The following GABRA2 variants were observed in gnomAD, a reference collection of about 807,000 sequenced individuals.
GABRA2 encodes gamma-aminobutyric acid type A receptor subunit alpha2, also known as gamma-aminobutyric acid receptor subunit alpha-2.
GABRA2 carries 16 observed loss-of-function variants against 48.7 expected under a neutral mutation model. The ratio of observed to expected loss-of-function variants is 0.33; its 90% confidence interval spans 0.22 to 0.50. GABRA2 has a LOEUF of 0.50. GABRA2 is among the 20% of genes least tolerant of loss of function. GABRA2 has a pLI of 0.98. For missense variants in GABRA2, 275 were observed against 535.6 expected, an observed-to-expected ratio of 0.51 and a Z score of 4.80; for synonymous variants, 185 against 184.5, an observed-to-expected ratio of 1.00 and a Z score of -0.02.
intron 3 of GABRA2, among the ~76,000 whole-genome samples, chr4:46,359,603 A>C (rs1039979549): frequency 6.6e-6 from 1 of 152,146 alleles, no homozygotes; most frequent in African/African-American, 2.4e-5. Flanking sequence ...ATTACCTTCA[A>C]GAGAGAAGGT....
intron 3 of GABRA2, among the ~76,000 whole-genome samples, chr4:46,333,005 T>C (rs1436071449): frequency 6.6e-6 from 1 of 152,166 alleles, no homozygotes; most frequent in Non-Finnish European, 1.5e-5. Flanking sequence ...ATAATAAATG[T>C]GCTACCAGTA....
intron 3 of GABRA2, among the ~76,000 whole-genome samples, chr4:46,334,453 C>A (rs1397161633): frequency 1.3e-5 from 2 of 152,020 alleles, no homozygotes; most frequent in Non-Finnish European, 2.9e-5. Context: ...AGCTGTTGAC[C>A]TAAAATGTTC....
At chr4:46,314,643 C>T (rs1728238892) in intron 4 of GABRA2, among the ~76,000 whole-genome samples, 2 of 152,056 alleles carry the variant, frequency 1.3e-5, no homozygotes, top group South Asian at 4.1e-4. Flanking sequence ...TCCTCCCTCC[C>T]CGCTCTAGCA....
chr4:46,280,382 T>C (rs1307449123), intron 8 of GABRA2, among the ~76,000 whole-genome samples: 2 of 151,994 alleles, frequency 1.3e-5, no homozygotes, highest in South Asian at 2.1e-4. Flanking sequence ...GGCATGGTCA[T>C]GGAATAAAAG....
rs182523904 is a variant in GABRA2, at chr4:46,251,958, A to G, written c.1060-1354T>C. Among the ~76,000 whole-genome samples, 233 of 151,646 alleles carry G rather than the reference A, an allele frequency of 1.5e-3. 1 individual carries two copies. Among genetic ancestry groups the G allele is most frequent in the Middle Eastern group, 6.8e-3 (2 of 294 alleles). ...TACTAATATAAATATATTTTTGGTT[A>G]CTTGAATACAAAGTAAATTGAGACA... On this transcript the variant is annotated intron_variant, in intron 9 of 9. Coordinates refer to ENST00000381620, the MANE Select transcript of GABRA2 (RefSeq NM_000807.4).
intron 3 of GABRA2, among the ~76,000 whole-genome samples, chr4:46,336,282 G>C (rs279834): frequency 0.38 from 58,383 of 152,016 alleles, 11,849 homozygotes; most frequent in East Asian, 0.56. Context: ...ATGCCCATCA[G>C]TTGTGAAGGC....
intron 3 of GABRA2, among the ~76,000 whole-genome samples, chr4:46,377,378 T>A (rs1482855906): frequency 6.8e-6 from 1 of 147,450 alleles, no homozygotes; most frequent in South Asian, 2.2e-4. Flanking sequence ...GGAGCACCTC[T>A]GCCCTGCCGC....
intron 8 of GABRA2, among the ~76,000 whole-genome samples, chr4:46,299,664 TG>T (rs756727238): frequency 1.5e-4 from 21 of 136,292 alleles, no homozygotes; most frequent in Non-Finnish European, 3.1e-4. Context: ...GTTGGAGAAT[TG>T]GGTTTCTTTC....
chr4:46,320,644 A>G (rs1405180771), intron 4 of GABRA2, among the ~76,000 whole-genome samples: 6 of 151,884 alleles, frequency 4.0e-5, no homozygotes, highest in Non-Finnish European at 5.9e-5. Context: ...CAATAAGTAT[A>G]TAAAGAGGTG....
intron 8 of GABRA2, among the ~76,000 whole-genome samples, chr4:46,296,470 A>G (rs1291095096): frequency 6.6e-6 from 1 of 152,096 alleles, no homozygotes; most frequent in African/African-American, 2.4e-5. Flanking sequence ...TCAAGATGAA[A>G]TCAGTCTACT....
At chr4:46,373,913 C>G (rs371064804) in intron 3 of GABRA2, among the ~76,000 whole-genome samples, 16 of 152,246 alleles carry the variant, frequency 1.1e-4, no homozygotes, top group East Asian at 5.8e-4. Flanking sequence ...CATACTCCCC[C>G]CTACCTGACC....
At chr4:46,287,668 T>C (rs1722818714) in intron 8 of GABRA2, among the ~76,000 whole-genome samples, 1 of 146,784 alleles carries the variant, frequency 6.8e-6, no homozygotes, top group African/African-American at 2.5e-5. Context: ...TTGGGAGATA[T>C]ACCTAATGAT....
intron 3 of GABRA2, among the ~76,000 whole-genome samples, chr4:46,377,047 C>T (rs970507552): frequency 2.6e-5 from 4 of 152,134 alleles, no homozygotes; most frequent in Non-Finnish European, 4.4e-5. Flanking sequence ...CTCAATGGTG[C>T]CCAGGCTGGA....
chr4:46,289,840 T>C (rs1033598926), intron 8 of GABRA2, among the ~76,000 whole-genome samples: 1 of 152,086 alleles, frequency 6.6e-6, no homozygotes, highest in Non-Finnish European at 1.5e-5. Flanking sequence ...AGCTTTGTAG[T>C]AGGTTGTCAA....
chr4:46,366,117 A>G (rs1229586795), intron 3 of GABRA2: 2 of 152,110 alleles, frequency 1.3e-5, no homozygotes, highest in Non-Finnish European at 2.9e-5. Context: ...GCTATTCTCC[A>G]GCATAATAAT....
At chr4:46,350,280 A>G (rs916354382) in intron 3 of GABRA2, among the ~76,000 whole-genome samples, 1 of 151,948 alleles carries the variant, frequency 6.6e-6, no homozygotes, top group Non-Finnish European at 1.5e-5. Context: ...TAGTCAAACC[A>G]TGTATATGTA....
At chr4:46,358,065 C>G (rs1450593832) in intron 3 of GABRA2, among the ~76,000 whole-genome samples, 3 of 152,062 alleles carry the variant, frequency 2.0e-5, no homozygotes, top group Non-Finnish European at 4.4e-5. Context: ...ATGAGACACA[C>G]TTACAGTGTT....
At chr4:46,322,017 G>T (rs1729537510) in intron 4 of GABRA2, among the ~76,000 whole-genome samples, 1 of 151,968 alleles carries the variant, frequency 6.6e-6, no homozygotes. Context: ...CATACAAACG[G>T]CATATATTGC....
At chr4:46,373,069 C>T (rs920515781) in intron 3 of GABRA2, among the ~76,000 whole-genome samples, 1 of 152,166 alleles carries the variant, frequency 6.6e-6, no homozygotes, top group African/African-American at 2.4e-5. Context: ...AATCAGATAT[C>T]TGAGGCTGAG....
Sources: allele counts gnomAD v4.1 joint callset (sites outside exome capture counted in the v4.1 genomes callset), GRCh38; gene constraint gnomAD v4.1.1; transcripts MANE v1.5; gene names NCBI Gene and HGNC (gene_info 2026-07-23, HGNC 2026-07-21).